Variants in DPY19L2 observed in about 807,000 individuals in gnomAD.
The protein encoded by DPY19L2 is probable C-mannosyltransferase DPY19L2.
In DPY19L2, 34 loss-of-function variants were observed where a neutral mutation model predicts 97.9. The ratio of observed to expected loss-of-function variants is 0.35; its 90% CI spans 0.26 to 0.46. The LOEUF (loss-of-function observed/expected upper bound fraction) is 0.46, where lower values mean the gene tolerates loss of function less well. Ranked by LOEUF, DPY19L2 falls within the 20% of genes least tolerant of loss-of-function variation. DPY19L2 has a pLI of 1.00. For missense variants in DPY19L2, 623 were observed against 911.4 expected (o/e 0.68, Z 4.07); for synonymous variants, 230 against 307.9 (o/e 0.75, Z 2.65).
intron 4 of DPY19L2, among the ~76,000 whole-genome samples, chr12:63,650,525 A>G (rs558180373): frequency 6.6e-6 from 1 of 152,242 alleles, no homozygotes; most frequent in African/African-American, 2.4e-5. Context: ...CTATGCACCA[A>G]CAATGTCCAA....
chr12:63,626,037 TATAGAATGGGAA>T (rs1175650451), intron 7 of DPY19L2, among the ~76,000 whole-genome samples: 1 of 149,778 alleles, frequency 6.7e-6, no homozygotes, highest in Non-Finnish European at 1.5e-5. Context: ...GGCAGACAGA[TATAGAATGGGAA>T]ATCCAGCTTC....
chr12:63,577,123 G>A (rs1879995942), intron 19 of DPY19L2, among the ~76,000 whole-genome samples: 1 of 151,778 alleles, frequency 6.6e-6, no homozygotes, highest in South Asian at 2.1e-4. Flanking sequence ...AACCCAGAAA[G>A]AAATCCATAC....
At chr12:63,596,408 G>A (rs1356869554) in intron 14 of DPY19L2, among the ~76,000 whole-genome samples, 1 of 152,034 alleles carries the variant, frequency 6.6e-6, no homozygotes, top group Admixed American at 6.6e-5. Context: ...ATTTTCATTA[G>A]TGAAACTAGA....
intron 12 of DPY19L2, among the ~76,000 whole-genome samples, chr12:63,603,556 G>T (rs547203145): frequency 3.3e-5 from 5 of 152,078 alleles, no homozygotes; most frequent in Admixed American, 2.0e-4. Context: ...AGTGTGTGTT[G>T]TTCCCCTCCC....
intron 13 of DPY19L2, among the ~76,000 whole-genome samples, chr12:63,599,564 A>G (rs1884800795): frequency 6.6e-6 from 1 of 152,154 alleles, no homozygotes. Context: ...TTTCAGCATC[A>G]AACAGGGCCC....
chr12:63,623,057 C>T (rs1346873000), intron 8 of DPY19L2, among the ~76,000 whole-genome samples: 2 of 151,850 alleles, frequency 1.3e-5, no homozygotes, highest in South Asian at 2.1e-4. Context: ...GAATGGGGTC[C>T]TCTGGGAGTT....
chr12:63,630,615 A>G (rs1451573319), intron 6 of DPY19L2, among the ~76,000 whole-genome samples: 1 of 152,080 alleles, frequency 6.6e-6, no homozygotes, highest in Non-Finnish European at 1.5e-5. Context: ...CACAATAATA[A>G]TGGGAGACTT....
At chr12:63,631,095 A>T (rs908637246) in intron 6 of DPY19L2, among the ~76,000 whole-genome samples, 30 of 152,266 alleles carry the variant, frequency 2.0e-4, no homozygotes, top group African/African-American at 7.0e-4. Context: ...TATAGCACTA[A>T]ATGCCCACAA....
At chr12:63,635,223 G>A (rs1240300937) in intron 6 of DPY19L2, among the ~76,000 whole-genome samples, 2 of 152,120 alleles carry the variant, frequency 1.3e-5, no homozygotes, top group African/African-American at 4.8e-5. Context: ...TGAGGGTCCT[G>A]ACTGTTAGAA....
At position 63,638,794 on chromosome 12, in the gene DPY19L2, A is replaced by G. The variant is rs532210852; in HGVS notation, c.803+5609T>C. Among the ~76,000 whole-genome samples the G allele has an allele frequency of 3.9e-5, 6 of 152,276 alleles. No homozygotes were observed. The East Asian group carries it at 1.2e-3, about 29-fold the overall frequency. On this transcript the variant is annotated intron_variant, in intron 6 of 21. Transcript: ENST00000324472. ...CCATACTGCCCAAGGTAATTTATAG[A>G]TTCAATGCCATCCCCATCAAGCTAC...
At chr12:63,596,763 T>C (rs1384108096) in intron 14 of DPY19L2, among the ~76,000 whole-genome samples, 3 of 152,160 alleles carry the variant, frequency 2.0e-5, no homozygotes, top group Non-Finnish European at 4.4e-5. Context: ...CTTTGTTATG[T>C]CCTATGAAGA....
chr12:63,616,742 A>T (rs942347395), intron 11 of DPY19L2, among the ~76,000 whole-genome samples: 4 of 152,118 alleles, frequency 2.6e-5, no homozygotes, highest in African/African-American at 9.7e-5. Context: ...CACTTTCTAA[A>T]CTGCCTTCAG....
chr12:63,593,148 C>T (rs866924941), intron 16 of DPY19L2, among the ~76,000 whole-genome samples: 208 of 152,000 alleles, frequency 1.4e-3, no homozygotes, highest in Middle Eastern at 3.4e-3. Context: ...CAACAGGTGC[C>T]GGAGAGGATG....
intron 2 of DPY19L2, 141 bp from the exon 3 acceptor site, chr12:63,663,986 TC>T (rs1896017665): frequency 3.2e-6 from 2 of 627,192 alleles, no homozygotes; most frequent in South Asian, 4.4e-5. Context: ...TGTATGTTTT[TC>T]AGCATTTATA....
chr12:63,645,172 C>T (rs1211808611), intron 5 of DPY19L2, among the ~76,000 whole-genome samples: 1 of 152,076 alleles, frequency 6.6e-6, no homozygotes, highest in African/African-American at 2.4e-5. Flanking sequence ...CTGGTATAAA[C>T]ATACTTTTCT....
chr12:63,571,854 A>G (rs1443913534), intron 19 of DPY19L2, among the ~76,000 whole-genome samples: 6 of 152,142 alleles, frequency 3.9e-5, no homozygotes, highest in African/African-American at 1.4e-4. Context: ...ATAAAAAACA[A>G]TTACAAAATT....
At chr12:63,634,682 T>C (rs1436257624) in intron 6 of DPY19L2, among the ~76,000 whole-genome samples, 3 of 152,094 alleles carry the variant, frequency 2.0e-5, no homozygotes, top group Non-Finnish European at 2.9e-5. Flanking sequence ...CCTCACTCAC[T>C]GCTAGCACAG....
chr12:63,581,938 T>C lies in DPY19L2; in HGVS notation c.1725+468A>G, dbSNP rs369760688. Among the ~76,000 whole-genome samples, 38 of 151,244 alleles carry C rather than the reference T, an allele frequency of 2.5e-4. No homozygotes were observed. In the East Asian group the frequency reaches 3.7e-3, roughly 15 times the overall value. Reference sequence around the variant, plus strand: ...GCCTCAGCCTCCCAGGTAGCTGGAATTACAGGCACTCGCCACCATACCCGG... The same window carrying C: ...GCCTCAGCCTCCCAGGTAGCTGGAACTACAGGCACTCGCCACCATACCCGG... On this transcript the variant is annotated intron_variant, in intron 18 of 21. Coordinates refer to ENST00000324472, the MANE Select transcript of DPY19L2 (RefSeq NM_173812.5).
At chr12:63,641,478 T>A (rs1892692697) in intron 6 of DPY19L2, among the ~76,000 whole-genome samples, 1 of 152,140 alleles carries the variant, frequency 6.6e-6, no homozygotes, top group Non-Finnish European at 1.5e-5. Context: ...TTTGAGATTA[T>A]CAACATAACC....
Sources: gnomAD v4.1 joint callset for allele counts (sites outside exome capture counted in the v4.1 genomes callset) on GRCh38, gnomAD v4.1.1 for gene constraint, MANE v1.5 for transcripts, NCBI Gene and HGNC (gene_info 2026-07-23, HGNC 2026-07-21) for gene names.